Variants in GPR158 observed in about 807,000 individuals in gnomAD.
The protein encoded by GPR158 is metabotropic glycine receptor.
GPR158 carries 30 observed loss-of-function variants against 78.2 expected under a neutral mutation model. The ratio of observed to expected loss-of-function variants is 0.38; its 90% CI spans 0.29 to 0.52. The LOEUF (loss-of-function observed/expected upper bound fraction) is 0.52, where lower values mean the gene tolerates loss of function less well. Among genes scored for constraint, GPR158 ranks in the 20% least tolerant of loss-of-function variants. GPR158 has a pLI of 0.83. For missense variants in GPR158, 1,463 were observed against 1,523.5 expected, an observed-to-expected ratio of 0.96 and a Z score of 0.66; for synonymous variants, 581 against 591.1, an observed-to-expected ratio of 0.98 and a Z score of 0.25.
At chr10:25,466,391 G>C (rs936626971) in intron 4 of GPR158, 5 of 362,204 alleles carry the variant, frequency 1.4e-5, no homozygotes, top group African/African-American at 2.1e-5. Flanking sequence ...AGCTGCTCAG[G>C]CTTTTTAATG....
chr10:25,352,451 T>C (rs1237966323), intron 2 of GPR158, among the ~76,000 whole-genome samples: 1 of 152,012 alleles, frequency 6.6e-6, no homozygotes, highest in East Asian at 1.9e-4. Flanking sequence ...AATATCTTAG[T>C]TTTTAGAACC....
At chr10:25,379,079 C>G (rs1834121361) in intron 2 of GPR158, among the ~76,000 whole-genome samples, 1 of 152,048 alleles carries the variant, frequency 6.6e-6, no homozygotes, top group African/African-American at 2.4e-5. Flanking sequence ...GCATGAGCCA[C>G]TGTGCCCAAC....
At chr10:25,391,612 A>G (rs1834298972) in intron 2 of GPR158, among the ~76,000 whole-genome samples, 1 of 152,134 alleles carries the variant, frequency 6.6e-6, no homozygotes, top group African/African-American at 2.4e-5. Context: ...AATGCCTGTA[A>G]CCCCATTGTA....
At chr10:25,500,852 G>C (rs1835939767) in intron 5 of GPR158, among the ~76,000 whole-genome samples, 1 of 152,180 alleles carries the variant, frequency 6.6e-6, no homozygotes, top group African/African-American at 2.4e-5. Context: ...AGCAAAAATA[G>C]GTTGCTGTGT....
chr10:25,253,192 C>T (rs569322090), intron 2 of GPR158, among the ~76,000 whole-genome samples: 1 of 152,384 alleles, frequency 6.6e-6, no homozygotes, highest in African/African-American at 2.4e-5. Context: ...TGCGCGCACC[C>T]ACTGGCCTGC....
intron 5 of GPR158, among the ~76,000 whole-genome samples, chr10:25,539,495 G>A (rs555667909): frequency 6.5e-4 from 98 of 150,128 alleles, no homozygotes; most frequent in African/African-American, 2.3e-3. Context: ...CTTTGCCCTT[G>A]GTTTTTAGAC....
chr10:25,569,404 G>A (rs1196672302), intron 6 of GPR158, among the ~76,000 whole-genome samples: 1 of 152,148 alleles, frequency 6.6e-6, no homozygotes, highest in African/African-American at 2.4e-5. Context: ...AGCTCTCTAT[G>A]AGATTTAAAG....
At chr10:25,376,876 C>A (rs900608583) in intron 2 of GPR158, among the ~76,000 whole-genome samples, 6 of 151,060 alleles carry the variant, frequency 4.0e-5, no homozygotes, top group Non-Finnish European at 8.9e-5. Flanking sequence ...TATGTTGCTC[C>A]TTTGATTTAT....
At position 25,526,114 on chromosome 10, in the gene GPR158, A is replaced by G. The variant is rs906901964; in HGVS notation, c.1405-24862A>G. Among the ~76,000 whole-genome samples the G allele has an allele frequency of 1.4e-3, 204 of 150,252 alleles. 2 individuals carry two copies. Among genetic ancestry groups the G allele is most frequent in the African/African-American group, 2.7e-3 (113 of 41,098 alleles). On this transcript the variant is annotated intron_variant, in intron 5 of 10. Transcript: ENST00000376351. ...AGTCCAATTTTGTCTAAAAAAAAAAAAAAAAAAAAAAAAAAAAGTCATAGC... is the reference window on the plus strand; with the variant it reads ...AGTCCAATTTTGTCTAAAAAAAAAAGAAAAAAAAAAAAAAAAAGTCATAGC...
chr10:25,324,859 G>A (rs1438941648), intron 2 of GPR158, among the ~76,000 whole-genome samples: 3 of 126,086 alleles, frequency 2.4e-5, no homozygotes, highest in African/African-American at 1.0e-4. Flanking sequence ...GAGACATTGA[G>A]ACAAGGTGTT....
intron 2 of GPR158, among the ~76,000 whole-genome samples, chr10:25,280,694 A>G (rs1854255236): frequency 6.6e-6 from 1 of 151,030 alleles, no homozygotes; most frequent in Non-Finnish European, 1.5e-5. Context: ...CATAAATCAC[A>G]TATCAACACA....
At chr10:25,465,537 A>T (rs1835409639) in intron 4 of GPR158, among the ~76,000 whole-genome samples, 1 of 152,228 alleles carries the variant, frequency 6.6e-6, no homozygotes, top group Admixed American at 6.5e-5. Flanking sequence ...CTATTCAGAA[A>T]TTTATTTGAA....
At chr10:25,241,280 C>CCTTTCTTTCTTTCCTTTCT (rs1853614048) in intron 2 of GPR158, among the ~76,000 whole-genome samples, 1 of 24,626 alleles carries the variant, frequency 4.1e-5, no homozygotes, top group South Asian at 1.2e-3. Flanking sequence ...TCCTTTCTTT[C>CCTTTCTTTCTTTCCTTTCT]TTTCTTTTCT....
intron 2 of GPR158, among the ~76,000 whole-genome samples, chr10:25,357,953 CA>C (rs1235775514): frequency 6.6e-6 from 1 of 152,104 alleles, no homozygotes. Flanking sequence ...CTATACCCTG[CA>C]AAACCATAGG....
intron 5 of GPR158, among the ~76,000 whole-genome samples, chr10:25,488,576 A>C (rs1406173628): frequency 1.3e-5 from 2 of 152,154 alleles, no homozygotes; most frequent in African/African-American, 4.8e-5. Flanking sequence ...GAGGTTGCTG[A>C]GGTACTGATT....
At chr10:25,275,512 C>T (rs1353590921) in intron 2 of GPR158, among the ~76,000 whole-genome samples, 2 of 152,208 alleles carry the variant, frequency 1.3e-5, no homozygotes, top group Admixed American at 6.5e-5. Context: ...CCTTTTCCAA[C>T]ACCCTTCTTT....
intron 5 of GPR158, among the ~76,000 whole-genome samples, chr10:25,492,791 C>T (rs762223699): frequency 6.6e-6 from 1 of 151,530 alleles, no homozygotes; most frequent in Non-Finnish European, 1.5e-5. Context: ...ATAAACAATT[C>T]AAGCTATCCA....
At chr10:25,390,303 G>A (rs1219351297) in intron 2 of GPR158, among the ~76,000 whole-genome samples, 1 of 152,208 alleles carries the variant, frequency 6.6e-6, no homozygotes, top group African/African-American at 2.4e-5. Flanking sequence ...ACAGTTTGGA[G>A]GGCTTAGAAG....
chr10:25,444,256 G>A (rs1178950666), intron 4 of GPR158, among the ~76,000 whole-genome samples: 3 of 150,438 alleles, frequency 2.0e-5, no homozygotes, highest in African/African-American at 7.4e-5. Flanking sequence ...GTGTGTGTTT[G>A]TGGGGGAGGG....
Sources: gnomAD v4.1 joint callset for allele counts (sites outside exome capture counted in the v4.1 genomes callset) on GRCh38, gnomAD v4.1.1 for gene constraint, MANE v1.5 for transcripts, NCBI Gene and HGNC (gene_info 2026-07-23, HGNC 2026-07-21) for gene names.